The following SCHIP1 variants were observed in gnomAD, a reference collection of about 807,000 sequenced individuals.
SCHIP1 encodes schwannomin interacting protein 1, also known as schwannomin-interacting protein 1.
In SCHIP1, 8 loss-of-function variants were observed where a neutral mutation model predicts 29.7. The ratio of observed to expected loss-of-function variants is 0.27; its 90% CI spans 0.16 to 0.49. The LOEUF (loss-of-function observed/expected upper bound fraction) is 0.49, where lower values mean the gene tolerates loss of function less well. Among genes scored for constraint, SCHIP1 ranks in the 20% least tolerant of loss-of-function variants. The probability of loss-of-function intolerance (pLI) is 0.99; values close to 1 mark genes in which losing one functional copy is unlikely to be tolerated. For synonymous variants in SCHIP1, 76 were observed against 94.9 expected (o/e 0.80, Z 1.16); for missense variants, 193 against 294.6 (o/e 0.66, Z 2.52).
chr3:159,704,864 T>TTTTCTTTC, the SCHIP1 span, among the ~76,000 whole-genome samples: 4 of 133,324 alleles, frequency 3.0e-5, no homozygotes, highest in East Asian at 4.5e-4. Context: ...TTCCTTCCTT[T>TTTTCTTTC]TTTCTTTCTT....
At chr3:159,764,406 T>G in the SCHIP1 span, 1 of 1,538,344 alleles carries the variant, frequency 6.5e-7, no homozygotes, top group Non-Finnish European at 8.8e-7. The surrounding 1 kb of genome is among the most constrained non-coding windows in gnomAD (Gnocchi z 6.1). Context: ...TGGAGCAGGC[T>G]TGGCCCAGCA....
chr3:159,528,683 T>A, the SCHIP1 span, among the ~76,000 whole-genome samples: 1 of 152,186 alleles, frequency 6.6e-6, no homozygotes, highest in Non-Finnish European at 1.5e-5. Context: ...GAATGCCCCA[T>A]ACCCTGAGCT....
the SCHIP1 span, chr3:159,764,659 C>T: frequency 6.3e-7 from 1 of 1,598,502 alleles, no homozygotes; most frequent in Admixed American, 1.7e-5. The surrounding 1 kb of genome is among the most constrained non-coding windows in gnomAD (Gnocchi z 6.1). Flanking sequence ...TGAGTGGGCG[C>T]CGGAGGAGGA....
chr3:159,451,387 T>C, the SCHIP1 span, among the ~76,000 whole-genome samples: 2 of 152,244 alleles, frequency 1.3e-5, no homozygotes, highest in Non-Finnish European at 2.9e-5. Context: ...CACTTGAGAA[T>C]CACAACCATT....
the SCHIP1 span, among the ~76,000 whole-genome samples, chr3:159,556,633 T>C: frequency 3.3e-5 from 5 of 150,976 alleles, no homozygotes; most frequent in African/African-American, 4.9e-5. Context: ...ATGGATGAAA[T>C]TGGAAATCAT....
the SCHIP1 span, among the ~76,000 whole-genome samples, chr3:159,499,980 T>C: frequency 1.7e-5 from 2 of 117,702 alleles, no homozygotes; most frequent in African/African-American, 6.4e-5. Context: ...ATCCCCTCAT[T>C]TTATACATTT....
the SCHIP1 span, among the ~76,000 whole-genome samples, chr3:159,793,138 G>T: frequency 6.6e-6 from 1 of 152,090 alleles, no homozygotes; most frequent in Non-Finnish European, 1.5e-5. Context: ...CATAATCCTT[G>T]AGTGCGTTTA....
the SCHIP1 span, among the ~76,000 whole-genome samples, chr3:159,795,500 T>A: frequency 6.6e-6 from 1 of 152,226 alleles, no homozygotes; most frequent in Non-Finnish European, 1.5e-5. Context: ...GCTAAGTAAC[T>A]TGCCCAAGAC....
At chr3:159,872,664 CTGTT>C (rs1358150191) in intron 2 of SCHIP1, among the ~76,000 whole-genome samples, 2 of 152,170 alleles carry the variant, frequency 1.3e-5, no homozygotes, top group African/African-American at 4.8e-5. Flanking sequence ...AACACGATGA[CTGTT>C]TGGGATCTCT....
chr3:159,747,068 C>T, the SCHIP1 span, among the ~76,000 whole-genome samples: 1 of 152,198 alleles, frequency 6.6e-6, no homozygotes, highest in African/African-American at 2.4e-5. Context: ...TCTTTGACCT[C>T]TTTCAGCTCT....
the SCHIP1 span, among the ~76,000 whole-genome samples, chr3:159,361,299 A>G: frequency 6.6e-6 from 1 of 152,220 alleles, no homozygotes. Flanking sequence ...AATATTTGAT[A>G]GAAAGGCAAT....
chr3:159,580,139 A>C, the SCHIP1 span, among the ~76,000 whole-genome samples: 2 of 152,162 alleles, frequency 1.3e-5, no homozygotes, highest in Admixed American at 1.3e-4. Flanking sequence ...CTTGCAGAAA[A>C]TTTCCATATT....
At chr3:159,363,599 A>G in the SCHIP1 span, among the ~76,000 whole-genome samples, 1 of 152,188 alleles carries the variant, frequency 6.6e-6, no homozygotes, top group Non-Finnish European at 1.5e-5. Context: ...ATGCTTTACT[A>G]TCTTGGATTT....
At chr3:159,614,614 C>T in the SCHIP1 span, among the ~76,000 whole-genome samples, 3 of 152,248 alleles carry the variant, frequency 2.0e-5, no homozygotes, top group East Asian at 1.9e-4. Flanking sequence ...TCATCCCTAA[C>T]CTATCTCAAC....
At chr3:159,436,108 C>A in the SCHIP1 span, among the ~76,000 whole-genome samples, 2 of 152,076 alleles carry the variant, frequency 1.3e-5, no homozygotes, top group Admixed American at 6.6e-5. Flanking sequence ...GGTGTGGTCA[C>A]CCAAAGTAAC....
chr3:159,673,832 C>A, the SCHIP1 span, among the ~76,000 whole-genome samples: 1 of 152,174 alleles, frequency 6.6e-6, no homozygotes, highest in Non-Finnish European at 1.5e-5. Context: ...AACATTCATT[C>A]AATGACAGTA....
the SCHIP1 span, among the ~76,000 whole-genome samples, chr3:159,489,334 A>G: frequency 6.6e-6 from 1 of 152,194 alleles, no homozygotes; most frequent in Non-Finnish European, 1.5e-5. Flanking sequence ...GAAGACTTTT[A>G]CTATTAGCCT....
chr3:159,713,161 A>T, the SCHIP1 span, among the ~76,000 whole-genome samples: 1 of 151,262 alleles, frequency 6.6e-6, no homozygotes, highest in Non-Finnish European at 1.5e-5. Flanking sequence ...ATCAAAAAAA[A>T]AAAAGAAGAA....
chr3:159,305,719 A>G, the SCHIP1 span, among the ~76,000 whole-genome samples: 1 of 152,224 alleles, frequency 6.6e-6, no homozygotes, highest in African/African-American at 2.4e-5. Flanking sequence ...TATAATCCTC[A>G]TAACAGGTTT....
Sources: gnomAD v4.1 joint callset for allele counts (sites outside exome capture counted in the v4.1 genomes callset) on GRCh38, gnomAD v4.1.1 for gene constraint, Gnocchi (gnomAD v3.1) non-coding constraint, MANE v1.5 for transcripts, NCBI Gene and HGNC (gene_info 2026-07-23, HGNC 2026-07-21) for gene names.